The following BBX variants were observed in gnomAD, a reference collection of about 807,000 sequenced individuals.
BBX encodes the protein BBX high mobility group box domain containing.
A neutral mutation model predicts 100.2 loss-of-function variants in BBX; 30 were observed. The observed-to-expected ratio is 0.30, with a 90% CI of 0.22 to 0.41. BBX has a LOEUF of 0.41. BBX is among the 10% of genes least tolerant of loss of function. The probability of loss-of-function intolerance (pLI) is 1.00; values close to 1 mark genes in which losing one functional copy is unlikely to be tolerated. For missense variants in BBX, 1,023 were observed against 1,129.8 expected (o/e 0.91, Z 1.35); for synonymous variants, 376 against 388.1 (o/e 0.97, Z 0.37).
At chr3:107,698,421 A>C (rs899118220) in intron 3 of BBX, among the ~76,000 whole-genome samples, 1 of 151,578 alleles carries the variant, frequency 6.6e-6, no homozygotes, top group East Asian at 1.9e-4. Context: ...GGGAGGCTGA[A>C]GCGGGCGGCT....
At position 107,774,996 on chromosome 3, in the gene BBX, C is replaced by A. The variant is rs958180114; in HGVS notation, c.2054+139C>A. 7.5e-6 allele frequency: 7 copies of A among 936,142 alleles called. No homozygotes were observed. In the African/African-American group the frequency reaches 1.2e-4, roughly 16 times the overall value. 58.0% of individuals were successfully genotyped at this position (936,142 alleles called of 1,614,324 possible). A position where few individuals can be genotyped will look rare whatever the true frequency, so the allele number is the denominator to read the frequency against. ...GACTTCCTACAATCTTAGTAGGCAC[C>A]CTAGTGAACACAAATCAAGTGCATC... On this transcript the variant is annotated intron_variant, in intron 12 of 17. Transcript: ENST00000325805.
intron 7 of BBX, among the ~76,000 whole-genome samples, chr3:107,735,763 A>C (rs1320723908): frequency 1.3e-5 from 2 of 152,050 alleles, no homozygotes; most frequent in Non-Finnish European, 2.9e-5. Flanking sequence ...ATTTCTTGAG[A>C]TATCAATCGC....
At chr3:107,785,966 T>G (rs1057492551) in intron 13 of BBX, among the ~76,000 whole-genome samples, 1 of 152,054 alleles carries the variant, frequency 6.6e-6, no homozygotes, top group African/African-American at 2.4e-5. Context: ...AGCTAATAAA[T>G]GAGTTTAGTA....
chr3:107,682,147 G>A (rs1044997467), intron 3 of BBX, among the ~76,000 whole-genome samples: 7 of 152,102 alleles, frequency 4.6e-5, no homozygotes, highest in Admixed American at 3.9e-4. Flanking sequence ...TCATGAAGAT[G>A]TTAGGAACAT....
intron 2 of BBX, among the ~76,000 whole-genome samples, chr3:107,628,629 A>T (rs1464896573): frequency 6.6e-6 from 1 of 152,166 alleles, no homozygotes; most frequent in Non-Finnish European, 1.5e-5. Flanking sequence ...GTGACATAAT[A>T]TTAAAATTCA....
intron 3 of BBX, among the ~76,000 whole-genome samples, chr3:107,686,889 G>A (rs1284874673): frequency 1.3e-5 from 2 of 152,266 alleles, no homozygotes; most frequent in African/African-American, 4.8e-5. Context: ...TAAAGGTCCA[G>A]ATCTCCTAAT....
intron 2 of BBX, among the ~76,000 whole-genome samples, chr3:107,593,656 C>G (rs775262672): frequency 3.3e-5 from 5 of 152,170 alleles, no homozygotes; most frequent in Non-Finnish European, 7.3e-5. Context: ...CATCTGCTCT[C>G]TAAGTGGCAT....
chr3:107,770,427 C>G (rs542155053), intron 10 of BBX, among the ~76,000 whole-genome samples: 6 of 152,218 alleles, frequency 3.9e-5, no homozygotes, highest in African/African-American at 1.2e-4. Flanking sequence ...TCTCTCCCCC[C>G]ACATGGGATA....
At chr3:107,688,289 C>A (rs986606705) in intron 3 of BBX, among the ~76,000 whole-genome samples, 1 of 152,172 alleles carries the variant, frequency 6.6e-6, no homozygotes, top group Non-Finnish European at 1.5e-5. Flanking sequence ...AGTTGCTGAA[C>A]CTACTTAGTC....
In BBX at chr3:107,763,601, A is replaced by T. The variant is rs189137763; in HGVS notation, c.906+7923A>T. Among the ~76,000 whole-genome samples, 23 of 152,252 alleles carry T rather than the reference A, an allele frequency of 1.5e-4. No homozygotes were observed. In the East Asian group the frequency reaches 4.4e-3, roughly 29 times the overall value. ...ACTAAAAGTGTGACAGTCCCCCTGA[A>T]CCCAGGAACATAAAATATAATCCCT... On this transcript the variant is annotated intron_variant, in intron 10 of 17. Coordinates refer to ENST00000325805, the MANE Select transcript of BBX (RefSeq NM_001142568.3).
At chr3:107,652,970 T>G (rs72941352) in intron 3 of BBX, among the ~76,000 whole-genome samples, 8,847 of 152,266 alleles carry the variant, frequency 0.058, 837 homozygotes, top group African/African-American at 0.19. Flanking sequence ...TCCCAAAATT[T>G]AGAAATAGCA....
Position 107,747,886 on chromosome 3 carries a change from T to C in BBX, c.751-79T>C, listed in dbSNP as rs2064756760. On this transcript the variant is annotated intron_variant, in intron 8 of 17. Coordinates refer to ENST00000325805, the MANE Select transcript of BBX (RefSeq NM_001142568.3). ...TTTAAATCTTTATCAGTGTCTACAG[T>C]TGAAAATATATGGCAGAATCTTATG... 4.8e-6 allele frequency: 6 copies of C among 1,239,044 alleles called. No individual in the cohort carries two copies. The Admixed American group carries it at 1.1e-4, about 23-fold the overall frequency. The allele number at this position is 1,239,044 out of a possible 1,614,324, so 76.8% of individuals were successfully genotyped here.
chr3:107,542,830 G>A (rs917194911), intron 2 of BBX, among the ~76,000 whole-genome samples: 4 of 152,064 alleles, frequency 2.6e-5, no homozygotes, highest in African/African-American at 7.2e-5. Flanking sequence ...GGCTTCCCAC[G>A]TGGCATTCAT....
At chr3:107,573,298 G>C (rs541089566) in intron 2 of BBX, among the ~76,000 whole-genome samples, 3 of 152,128 alleles carry the variant, frequency 2.0e-5, no homozygotes, top group Non-Finnish European at 4.4e-5. Flanking sequence ...GGTGGCTCAC[G>C]TCTGTAATCC....
chr3:107,793,083 A>T (rs2069223126), intron 15 of BBX, among the ~76,000 whole-genome samples: 1 of 152,180 alleles, frequency 6.6e-6, no homozygotes, highest in African/African-American at 2.4e-5. Context: ...TTGTGTGTTT[A>T]GAGATTGGGT....
intron 2 of BBX, among the ~76,000 whole-genome samples, chr3:107,569,871 G>T (rs1246949999): frequency 6.6e-6 from 1 of 152,174 alleles, no homozygotes; most frequent in Non-Finnish European, 1.5e-5. Context: ...GGTCCAGAAG[G>T]CTTCCAAGGT....
intron 7 of BBX, among the ~76,000 whole-genome samples, chr3:107,735,415 A>G (rs2063571845): frequency 6.6e-6 from 1 of 152,126 alleles, no homozygotes; most frequent in South Asian, 2.1e-4. Context: ...AGGTAAGACC[A>G]AAGTGACATT....
chr3:107,760,698 C>T (rs902485732), intron 10 of BBX, among the ~76,000 whole-genome samples: 1 of 51,678 alleles, frequency 1.9e-5, no homozygotes. Flanking sequence ...GTTCTGGAGA[C>T]CAAGCACAGG....
intron 2 of BBX, among the ~76,000 whole-genome samples, chr3:107,575,259 T>C (rs1244288773): frequency 1.3e-5 from 2 of 152,256 alleles, no homozygotes; most frequent in Non-Finnish European, 2.9e-5. Context: ...CACCAACTTA[T>C]AAAGACATGG....
Sources: allele counts gnomAD v4.1 joint callset (sites outside exome capture counted in the v4.1 genomes callset), GRCh38; gene constraint gnomAD v4.1.1; transcripts MANE v1.5; gene names NCBI Gene and HGNC (gene_info 2026-07-23, HGNC 2026-07-21).